The following SYK variants were observed in gnomAD, a reference collection of about 807,000 sequenced individuals.
SYK encodes tyrosine-protein kinase SYK.
A neutral mutation model predicts 77.8 loss-of-function variants in SYK; 16 were observed. The observed-to-expected ratio is 0.21, with a 90% CI of 0.14 to 0.31. SYK has a LOEUF of 0.31. SYK is among the 10% of genes least tolerant of loss of function. SYK has a pLI of 1.00. For synonymous variants in SYK, 312 were observed against 308.7 expected (o/e 1.01, Z -0.11); for missense variants, 529 against 814.4 (o/e 0.65, Z 4.26).
At chr9:90,813,173 C>T (rs902116235) in intron 1 of SYK, among the ~76,000 whole-genome samples, 2 of 151,976 alleles carry the variant, frequency 1.3e-5, no homozygotes, top group Non-Finnish European at 2.9e-5. Flanking sequence ...TAAGCAATTT[C>T]GCTCCTGGTT....
At chr9:90,824,561 T>A (rs1564074472) in intron 1 of SYK, among the ~76,000 whole-genome samples, 2 of 152,044 alleles carry the variant, frequency 1.3e-5, no homozygotes, top group Admixed American at 1.3e-4. Flanking sequence ...CAAAACAGGT[T>A]CAACATTTGA....
At chr9:90,831,712 T>A (rs1168977466) in intron 1 of SYK, among the ~76,000 whole-genome samples, 1 of 152,192 alleles carries the variant, frequency 6.6e-6, no homozygotes, top group Non-Finnish European at 1.5e-5. Context: ...CACAAAGCAG[T>A]GAAAAATTTA....
chr9:90,849,528 T>C (rs1826736110), intron 3 of SYK, among the ~76,000 whole-genome samples: 1 of 152,208 alleles, frequency 6.6e-6, no homozygotes, highest in Admixed American at 6.5e-5. Flanking sequence ...CACACCTGTC[T>C]ATGTTGGGGA....
At chr9:90,815,732 T>C (rs1825267406) in intron 1 of SYK, among the ~76,000 whole-genome samples, 1 of 152,276 alleles carries the variant, frequency 6.6e-6, no homozygotes, top group Non-Finnish European at 1.5e-5. Flanking sequence ...ATGCTTTTCA[T>C]GTGACTTCTT....
At chr9:90,883,345 G>A (rs758661586) in intron 11 of SYK, among the ~76,000 whole-genome samples, 1 of 152,140 alleles carries the variant, frequency 6.6e-6, no homozygotes, top group Admixed American at 6.5e-5. Flanking sequence ...GCCTCCAAAG[G>A]TCTGTGTCCT....
chr9:90,882,140 G>A (rs1828181659), intron 11 of SYK, among the ~76,000 whole-genome samples: 1 of 152,204 alleles, frequency 6.6e-6, no homozygotes, highest in Non-Finnish European at 1.5e-5. Context: ...AGGTTATTCT[G>A]AAGACAGCCT....
Position 90,862,276 on chromosome 9 carries a change from C to G in SYK, c.649C>G (p.Arg217Gly). The stretch of plus-strand genomic sequence containing the variant: ...GCACGAAGGGAAGGTGCTGCACTAT[C>G]GCATCGACAAAGACAAGACAGGGAA... ...LLHEGKVLHY[R>G]IDKDKTGKLS... Residue 217 changes from arginine (R) to glycine (G), a missense_variant, in exon 4 of 14, where the codon CGC becomes GGC. By Grantham distance (125) the Arg-to-Gly change is moderately radical. This residue lies in a region of SYK where 321 missense variants were observed against 433.1 expected (regional missense o/e 0.74). Coordinates refer to ENST00000375754, the MANE Select transcript of SYK (RefSeq NM_003177.7). The G allele has an allele frequency of 6.2e-7, 1 of 1,614,164 alleles. No individual in the cohort carries two copies.
intron 1 of SYK, among the ~76,000 whole-genome samples, chr9:90,815,232 T>C (rs73650257): frequency 0.025 from 3,857 of 152,332 alleles, 149 homozygotes; most frequent in African/African-American, 0.088. Flanking sequence ...CAAGTGGCCC[T>C]TGTACCTTCA....
intron 7 of SYK, among the ~76,000 whole-genome samples, chr9:90,873,856 T>G (rs753739356): frequency 2.0e-5 from 3 of 152,172 alleles, no homozygotes; most frequent in Non-Finnish European, 4.4e-5. Flanking sequence ...AAGGCGAACA[T>G]GCAAATCATC....
At chr9:90,867,061 T>C in intron 6 of SYK, 70 bp from the exon 7 acceptor site, 2 of 1,567,902 alleles carry the variant, frequency 1.3e-6, no homozygotes, top group Non-Finnish European at 1.8e-6. Flanking sequence ...TTAAGTAGCA[T>C]GTCGTGGAAG....
Position 90,874,353 on chromosome 9 carries a change from T to C in SYK, c.1003+62T>C, listed in dbSNP as rs1023504390. On this transcript the variant is annotated intron_variant, in intron 8 of 13. Coordinates refer to ENST00000375754, the MANE Select transcript of SYK (RefSeq NM_003177.7). ...CAAAGTGCGTGGTCACTTGTAAGTT[T>C]GTAGAGTTGGTTCACGAATCCACAC... The C allele has an allele frequency of 4.6e-6, 7 of 1,535,304 alleles. No homozygotes were observed. In the African/African-American group the frequency reaches 9.6e-5, roughly 21 times the overall value.
intron 9 of SYK, 59 bp from the exon 10 acceptor site, chr9:90,877,509 TAAG>T: frequency 6.4e-7 from 1 of 1,558,638 alleles, no homozygotes; most frequent in South Asian, 1.1e-5. Context: ...CTTCACAGGA[TAAG>T]ATTATCTAGA....
intron 5 of SYK, 105 bp downstream of exon 5, chr9:90,864,772 T>C: frequency 2.1e-6 from 2 of 967,476 alleles, no homozygotes; most frequent in South Asian, 1.4e-5. Context: ...AGGACTTCTT[T>C]TTACGGGTTG....
chr9:90,896,320 G>T lies in SYK; in HGVS notation c.*720G>T, dbSNP rs1259178050. On this transcript the variant is annotated 3_prime_UTR_variant, in exon 14 of 14. Coordinates refer to ENST00000375754, the MANE Select transcript of SYK (RefSeq NM_003177.7). ...AATTGGCTTGGCTTACTTTCCCCCT[G>T]AAATCCTCTCTCCTGCAGACTGTCT... 4.3e-6 allele frequency: 1 copy of T among 233,178 alleles called. No individual in the cohort carries two copies. The highest frequency in any genetic ancestry group is 8.5e-6 in the Non-Finnish European group (1 of 118,056). The allele number at this position is 233,178 out of a possible 1,614,324, so 14.4% of individuals were successfully genotyped here. A position where few individuals can be genotyped will look rare whatever the true frequency, so the allele number is the denominator to read the frequency against.
In SYK at chr9:90,842,617, GT is replaced by G; in HGVS notation, c.-41-1240del. 1.3e-5 allele frequency among the ~76,000 whole-genome samples: 2 copies of G among 151,478 alleles called. 1 individual carries two copies. Among genetic ancestry groups the G allele is most frequent in the South Asian group, 4.2e-4 (2 of 4,810 alleles). On this transcript the variant is annotated intron_variant, in intron 1 of 13. Transcript: ENST00000375754. ...GTGATGTGTGTAGTGTGTTTCGTGT[GT>G]GTGGTATGTATGTAGTTTGTGTGTT...
chr9:90,825,120 A>G lies in SYK; in HGVS notation c.-41-18738A>G, dbSNP rs1825629096. On this transcript the variant is annotated intron_variant, in intron 1 of 13. Coordinates refer to ENST00000375754, the MANE Select transcript of SYK (RefSeq NM_003177.7). ...CCATGTATAATAGCACCAAAAAGAC[A>G]AAAAAAAAAAAACACAAGAAAATAC... Among the ~76,000 whole-genome samples, 7 of 96,122 alleles carry G rather than the reference A, an allele frequency of 7.3e-5. No homozygotes were observed. The South Asian group carries it at 2.1e-3, about 28-fold the overall frequency. 63.1% of individuals were successfully genotyped at this position (96,122 alleles called of 152,430 possible).
At chr9:90,844,424 A>G (rs1346797218) in intron 2 of SYK, 109 bp downstream of exon 2, 1 of 1,253,084 alleles carries the variant, frequency 8.0e-7, no homozygotes, top group Non-Finnish European at 1.1e-6. Flanking sequence ...TGCCCAAATA[A>G]CACAACCATC....
intron 13 of SYK, among the ~76,000 whole-genome samples, chr9:90,894,193 A>G (rs145395718): frequency 1.4e-4 from 22 of 152,316 alleles, no homozygotes; most frequent in African/African-American, 5.1e-4. Context: ...AAGATGCTGA[A>G]GTGTGTTCTC....
At position 90,867,139 on chromosome 9, in the gene SYK, A is replaced by G; in HGVS notation, c.855A>G (p.Ser285=). ...GCCGTTGTGGTTTCTAGACTTGGTC[A>G]GCGGGTGGAATAATCTCAAGAATCA... ...QLPGSHPATW[S]AGGIISRIKS... The change falls in exon 7 of 14, where the codon TCA becomes TCG. Residue 285 remains serine, a synonymous_variant. Coordinates refer to ENST00000375754, the MANE Select transcript of SYK (RefSeq NM_003177.7). 6.2e-7 allele frequency: 1 copy of G among 1,614,184 alleles called. No homozygotes were observed. Among genetic ancestry groups the G allele is most frequent in the Non-Finnish European group, 8.5e-7 (1 of 1,180,028 alleles).
Sources: gnomAD v4.1 joint callset for allele counts (sites outside exome capture counted in the v4.1 genomes callset) on GRCh38, gnomAD v4.1.1 for gene constraint, gnomAD v4.1.1 regional missense constraint, MANE v1.5 for transcripts, NCBI Gene and HGNC (gene_info 2026-07-23, HGNC 2026-07-21) for gene names.